SNW1: variants seen among roughly 807,000 people sequenced by gnomAD.
The protein encoded by SNW1 is SNW domain-containing protein 1.
A neutral mutation model predicts 75.6 loss-of-function variants in SNW1; 9 were observed. That is an observed-to-expected ratio of 0.12 (90% CI 0.07 to 0.21). The LOEUF (loss-of-function observed/expected upper bound fraction) is 0.21. Among genes scored for constraint, SNW1 ranks in the 10% least tolerant of loss-of-function variants. SNW1 has a pLI of 1.00. For synonymous variants in SNW1, 200 were observed against 219.1 expected (o/e 0.91, Z 0.77); for missense variants, 409 against 670.9 (o/e 0.61, Z 4.31).
At chr14:77,721,742 ATT>A (rs1566825986) in intron 11 of SNW1, among the ~76,000 whole-genome samples, 2 of 151,854 alleles carry the variant, frequency 1.3e-5, no homozygotes, top group Admixed American at 1.3e-4. Flanking sequence ...ATTTATTTTT[ATT>A]TTTTTATTTT....
At chr14:77,721,778 C>CA (rs1491141632) in intron 11 of SNW1, among the ~76,000 whole-genome samples, 2 of 152,028 alleles carry the variant, frequency 1.3e-5, no homozygotes, top group Non-Finnish European at 2.9e-5. Context: ...CACGGAGTCT[C>CA]ACTCTGTCGC....
At chr14:77,748,133 C>T (rs2080778773) in intron 3 of SNW1, among the ~76,000 whole-genome samples, 1 of 152,208 alleles carries the variant, frequency 6.6e-6, no homozygotes, top group African/African-American at 2.4e-5. Context: ...CTCTCTGAAA[C>T]ATGTGCTGTG....
At position 77,734,945 on chromosome 14, in the gene SNW1, A is replaced by G. The variant is rs1304902465; in HGVS notation, c.774+2T>C. 1 of 1,600,944 alleles carries G rather than the reference A, an allele frequency of 6.2e-7. No homozygotes were observed. ...TAGAGACTGATTTGACAACTTAATT[A>G]CCTTTGCATTTTTCCAGTTAGAAAT... On this transcript the variant is annotated splice_donor_variant, in intron 8 of 13. Coordinates refer to ENST00000261531, the MANE Select transcript of SNW1 (RefSeq NM_012245.3). LOFTEE classifies it high-confidence loss of function.
chr14:77,719,078 T>C (rs1353484776), intron 12 of SNW1, among the ~76,000 whole-genome samples: 3 of 152,224 alleles, frequency 2.0e-5, no homozygotes, highest in Admixed American at 2.0e-4. Flanking sequence ...CATGTCCAGC[T>C]AATTTTTTGT....
chr14:77,744,501 A>G (rs2080745500), intron 3 of SNW1, among the ~76,000 whole-genome samples: 2 of 151,842 alleles, frequency 1.3e-5, no homozygotes, highest in South Asian at 4.1e-4. Flanking sequence ...AAAAAGAGAA[A>G]AAACAAGGAA....
At chr14:77,757,344 T>A (rs2080848851) in intron 1 of SNW1, among the ~76,000 whole-genome samples, 1 of 152,194 alleles carries the variant, frequency 6.6e-6, no homozygotes. Flanking sequence ...AGGTAAGTGA[T>A]GGCTAGGCTC....
intron 1 of SNW1, among the ~76,000 whole-genome samples, chr14:77,755,474 A>G (rs2080836725): frequency 6.6e-6 from 1 of 152,018 alleles, no homozygotes; most frequent in Admixed American, 6.6e-5. Flanking sequence ...GCTGGAGTAC[A>G]GTGGTGTCAT....
chr14:77,717,803 C>G lies in SNW1; in HGVS notation c.*285G>C. 1 of 580,146 alleles carries G rather than the reference C, an allele frequency of 1.7e-6. No homozygotes were observed. Among genetic ancestry groups the G allele is most frequent in the Non-Finnish European group, 3.0e-6 (1 of 330,352 alleles). 35.9% of individuals were successfully genotyped at this position (580,146 alleles called of 1,614,324 possible). A position where few individuals can be genotyped will look rare whatever the true frequency, so the allele number is the denominator to read the frequency against. On this transcript the variant is annotated 3_prime_UTR_variant, in exon 14 of 14. Coordinates refer to ENST00000261531, the MANE Select transcript of SNW1 (RefSeq NM_012245.3). ...TACACAAAACATTAACCCCAAACTACTAGTGTCACATAAAAGTAAGTGGTC... is the reference window on the plus strand; with the variant it reads ...TACACAAAACATTAACCCCAAACTAGTAGTGTCACATAAAAGTAAGTGGTC...
chr14:77,721,606 GCTC>G (rs1406556982), intron 11 of SNW1, among the ~76,000 whole-genome samples: 1 of 152,084 alleles, frequency 6.6e-6, no homozygotes, highest in Non-Finnish European at 1.5e-5. Flanking sequence ...TTCACACTTT[GCTC>G]CTCCTTCTAC....
chr14:77,730,063 T>C (rs2080616882), intron 10 of SNW1, among the ~76,000 whole-genome samples: 1 of 152,166 alleles, frequency 6.6e-6, no homozygotes. Context: ...ATACTCCCAT[T>C]TCAGAGCCAT....
intron 3 of SNW1, among the ~76,000 whole-genome samples, chr14:77,741,021 C>T (rs1021344066): frequency 1.3e-5 from 2 of 149,228 alleles, no homozygotes; most frequent in African/African-American, 2.5e-5. Flanking sequence ...CGCTTGAACC[C>T]AGGAGACGGA....
chr14:77,751,397 A>G lies in SNW1; in HGVS notation c.252T>C (p.Asn84=). 6.2e-7 allele frequency: 1 copy of G among 1,613,922 alleles called. No individual in the cohort carries two copies. Among genetic ancestry groups the G allele is most frequent in the Middle Eastern group, 1.6e-4 (1 of 6,062 alleles). Residue 84 remains asparagine, a synonymous_variant, in exon 3 of 14, where the codon AAT becomes AAC. Transcript: ENST00000261531. ...LDMGRKKKMS[N]ALAIQVDSEG... ...CAGAATCCACCTGAATGGCCAGCGC[A>G]TTCGACATTTTTTTCTTTCGTCCCA...
intron 8 of SNW1, among the ~76,000 whole-genome samples, chr14:77,733,738 G>A (rs1420404003): frequency 2.1e-5 from 1 of 47,304 alleles, no homozygotes; most frequent in African/African-American, 9.9e-5. Flanking sequence ...GAGCGAGACC[G>A]TCTCAAAAAA....
intron 1 of SNW1, among the ~76,000 whole-genome samples, chr14:77,758,982 G>A (rs779291257): frequency 1.3e-5 from 2 of 152,230 alleles, no homozygotes; most frequent in African/African-American, 2.4e-5. Context: ...GCCAACAGTA[G>A]GTCCAAGGCC....
intron 3 of SNW1, among the ~76,000 whole-genome samples, chr14:77,747,307 T>C (rs2080768261): frequency 6.6e-6 from 1 of 152,144 alleles, no homozygotes; most frequent in African/African-American, 2.4e-5. Flanking sequence ...CCTCCCAAAG[T>C]GCCGAGACTG....
intron 8 of SNW1, 64 bp from the exon 9 acceptor site, chr14:77,732,665 ATTAATT>A: frequency 1.0e-6 from 1 of 954,962 alleles, no homozygotes; most frequent in Non-Finnish European, 1.7e-6. Flanking sequence ...CTGAAGTTAA[ATTAATT>A]TTATTTTTTT....
chr14:77,729,471 G>A (rs753046370), intron 10 of SNW1, among the ~76,000 whole-genome samples: 17 of 152,132 alleles, frequency 1.1e-4, no homozygotes, highest in Non-Finnish European at 1.8e-4. Flanking sequence ...GAAGGCATTA[G>A]CCCATGCCCA....
At chr14:77,720,637 G>C (rs2080531992) in intron 12 of SNW1, 74 bp downstream of exon 12, 1 of 953,730 alleles carries the variant, frequency 1.0e-6, no homozygotes, top group Non-Finnish European at 1.7e-6. Context: ...CAAATGTAAA[G>C]TATGTTAATT....
chr14:77,744,960 G>A (rs1177106740), intron 3 of SNW1, among the ~76,000 whole-genome samples: 1 of 152,096 alleles, frequency 6.6e-6, no homozygotes, highest in East Asian at 1.9e-4. Context: ...TTCCTCACTG[G>A]CTTCAGAAGT....
Sources: allele counts gnomAD v4.1 joint callset (sites outside exome capture counted in the v4.1 genomes callset), GRCh38; gene constraint gnomAD v4.1.1; transcripts MANE v1.5; gene names NCBI Gene and HGNC (gene_info 2026-07-23, HGNC 2026-07-21).